The following CPED1 variants were observed in gnomAD, a reference collection of about 807,000 sequenced individuals.
The protein encoded by CPED1 is cadherin like and PC-esterase domain containing 1, also known as cadherin-like and PC-esterase domain-containing protein 1.
In CPED1, 114 loss-of-function variants were observed where a neutral mutation model predicts 128.2. That is an observed-to-expected ratio of 0.89 (90% CI 0.76 to 1.04). The LOEUF (loss-of-function observed/expected upper bound fraction) is 1.04. Among genes scored for constraint, CPED1 ranks in the 50% least tolerant of loss-of-function variants. The pLI is 0.00. For synonymous variants in CPED1, 462 were observed against 426.7 expected, an observed-to-expected ratio of 1.08 and a Z score of -1.02; for missense variants, 1,211 against 1,207.1, an observed-to-expected ratio of 1.00 and a Z score of -0.05.
chr7:121,119,378 G>A (rs1180651567), intron 7 of CPED1, among the ~76,000 whole-genome samples: 1 of 150,762 alleles, frequency 6.6e-6, no homozygotes, highest in East Asian at 2.0e-4. Context: ...TGTTGGTCAG[G>A]CTAATCTCCA....
chr7:121,192,730 A>G (rs925372198), intron 16 of CPED1, among the ~76,000 whole-genome samples: 1 of 152,180 alleles, frequency 6.6e-6, no homozygotes, highest in Non-Finnish European at 1.5e-5. Flanking sequence ...TCCAGAGAAA[A>G]CTATCTTTTA....
chr7:121,059,795 G>A (rs1228002210), intron 4 of CPED1, among the ~76,000 whole-genome samples: 2 of 152,200 alleles, frequency 1.3e-5, no homozygotes, highest in African/African-American at 4.8e-5. Context: ...TTAGTGAGAG[G>A]TGACAGCATG....
intron 2 of CPED1, among the ~76,000 whole-genome samples, chr7:121,006,615 A>T (rs548904016): frequency 6.6e-6 from 1 of 152,170 alleles, no homozygotes; most frequent in Admixed American, 6.5e-5. Flanking sequence ...TGTGTCAAAA[A>T]AGGAAAAAAA....
At chr7:121,176,766 A>G (rs1796789156) in intron 16 of CPED1, among the ~76,000 whole-genome samples, 1 of 152,134 alleles carries the variant, frequency 6.6e-6, no homozygotes, top group Non-Finnish European at 1.5e-5. Context: ...GGCAGTGGAA[A>G]GAGCTGCGCT....
Position 121,267,218 on chromosome 7 carries a change from A to G in CPED1, c.2637A>G (p.Glu879=). 6.4e-7 allele frequency: 1 copy of G among 1,551,372 alleles called. No individual in the cohort carries two copies. The highest frequency in any genetic ancestry group is 1.2e-5 in the South Asian group (1 of 86,040). The change falls in exon 21 of 23, where the codon GAA becomes GAG. Residue 879 remains glutamate (E), a synonymous_variant. Transcript: ENST00000310396. ...GAATTATAATTATCTCATTCAGGGA[A>G]AATTTACTCAATATCCTAGTGATCA... The part of the protein sequence containing the change: ...LQIIHKVLKR[E]NLLNILVIIK...
chr7:121,188,918 CATGAGT>C (rs1042807702), intron 16 of CPED1, among the ~76,000 whole-genome samples: 4 of 152,088 alleles, frequency 2.6e-5, no homozygotes, highest in African/African-American at 9.7e-5. Flanking sequence ...GCTCCTTGCA[CATGAGT>C]ATTAGACTCT....
chr7:120,998,064 T>A (rs1371787408), intron 2 of CPED1, among the ~76,000 whole-genome samples: 1 of 152,098 alleles, frequency 6.6e-6, no homozygotes, highest in Non-Finnish European at 1.5e-5. Context: ...ATTGGAGTCA[T>A]GCAGCTGCAC....
intron 7 of CPED1, among the ~76,000 whole-genome samples, chr7:121,115,612 A>G (rs1228248981): frequency 6.6e-6 from 1 of 152,166 alleles, no homozygotes; most frequent in African/African-American, 2.4e-5. Flanking sequence ...TGAGATAGGT[A>G]TCTTTCTGCC....
At chr7:121,207,137 CTATT>C (rs1797536603) in intron 16 of CPED1, among the ~76,000 whole-genome samples, 1 of 151,698 alleles carries the variant, frequency 6.6e-6, no homozygotes, top group African/African-American at 2.4e-5. Context: ...CTGTATTTAT[CTATT>C]TAGTCAGTTG....
intron 22 of CPED1, among the ~76,000 whole-genome samples, chr7:121,287,768 A>G (rs181495334): frequency 1.5e-4 from 23 of 152,266 alleles, no homozygotes; most frequent in Non-Finnish European, 2.6e-4. Flanking sequence ...AAGATTTGAC[A>G]TGCTATGTCT....
At chr7:121,168,872 A>G (rs185670602) in intron 16 of CPED1, among the ~76,000 whole-genome samples, 8 of 152,286 alleles carry the variant, frequency 5.3e-5, no homozygotes, top group Admixed American at 5.2e-4. Flanking sequence ...AAACAAGACT[A>G]TTTATAAAGG....
intron 4 of CPED1, among the ~76,000 whole-genome samples, chr7:121,063,381 GAAAAAAAA>G (rs368502123): frequency 3.7e-3 from 247 of 67,046 alleles, no homozygotes; most frequent in African/African-American, 0.014. Flanking sequence ...TGAAGAAACT[GAAAAAAAA>G]AAAAAAAAAA....
At chr7:120,990,585 C>T (rs796345178) in intron 2 of CPED1, among the ~76,000 whole-genome samples, 9 of 151,902 alleles carry the variant, frequency 5.9e-5, no homozygotes, top group African/African-American at 1.9e-4. Context: ...TCTCCTCATG[C>T]CTATCAGTAA....
At chr7:121,125,173 A>G (rs1281595379) in intron 8 of CPED1, among the ~76,000 whole-genome samples, 1 of 152,218 alleles carries the variant, frequency 6.6e-6, no homozygotes, top group Non-Finnish European at 1.5e-5. Flanking sequence ...AAAATTTATC[A>G]CATGTAATTT....
At chr7:121,167,500 C>T (rs978134970) in intron 16 of CPED1, among the ~76,000 whole-genome samples, 1 of 152,110 alleles carries the variant, frequency 6.6e-6, no homozygotes, top group African/African-American at 2.4e-5. Flanking sequence ...ACAAGGTGAG[C>T]AGTCATGTTT....
chr7:121,108,212 G>A (rs978645058), intron 7 of CPED1, among the ~76,000 whole-genome samples: 1 of 151,864 alleles, frequency 6.6e-6, no homozygotes, highest in African/African-American at 2.4e-5. Context: ...TTCCCCCATT[G>A]GATTAAACAT....
Position 121,203,679 on chromosome 7 carries a change from C to T in CPED1, c.2056-33035C>T, listed in dbSNP as rs141828065. On this transcript the variant is annotated intron_variant, in intron 16 of 22. Coordinates refer to ENST00000310396, the MANE Select transcript of CPED1 (RefSeq NM_024913.5). ...TGGTGCTGAGGAAACTCTGAATTTT[C>T]TGTCTGAGGGAAACAGGGCCACTGA... Among the ~76,000 whole-genome samples, 29 of 152,236 alleles carry T rather than the reference C, an allele frequency of 1.9e-4. No individual in the cohort carries two copies. In the East Asian group the frequency reaches 5.2e-3, roughly 27 times the overall value.
intron 16 of CPED1, among the ~76,000 whole-genome samples, chr7:121,177,614 A>G (rs1796813053): frequency 6.6e-6 from 1 of 152,074 alleles, no homozygotes; most frequent in Non-Finnish European, 1.5e-5. Context: ...TTCTTTCCAT[A>G]AAGAGTTACA....
chr7:121,117,497 T>A (rs889302563), intron 7 of CPED1, among the ~76,000 whole-genome samples: 8 of 152,152 alleles, frequency 5.3e-5, no homozygotes, highest in African/African-American at 1.9e-4. Context: ...TCTAATCTTT[T>A]TTTCTCTTTT....
Sources: allele counts gnomAD v4.1 joint callset (sites outside exome capture counted in the v4.1 genomes callset), GRCh38; gene constraint gnomAD v4.1.1; transcripts MANE v1.5; gene names NCBI Gene and HGNC (gene_info 2026-07-23, HGNC 2026-07-21).